Variants in ITGA11 observed in about 807,000 individuals in gnomAD.
The protein encoded by ITGA11 is integrin subunit alpha 11.
Under a neutral mutation model 141.9 loss-of-function variants are expected in ITGA11, and 97 were observed. That is an observed-to-expected ratio of 0.68 (90% CI 0.58 to 0.81). The LOEUF is 0.81. Among genes scored for constraint, ITGA11 ranks in the 30% least tolerant of loss-of-function variants. The pLI is 0.00. For missense variants in ITGA11, 1,387 were observed against 1,559.2 expected (o/e 0.89, Z 1.86); for synonymous variants, 658 against 624.6 (o/e 1.05, Z -0.80).
chr15:68,352,509 A>G (rs112619715), intron 7 of ITGA11, among the ~76,000 whole-genome samples: 45 of 152,156 alleles, frequency 3.0e-4, no homozygotes, highest in African/African-American at 1.1e-3. Flanking sequence ...AGTATTTTAT[A>G]AGGTTCTGGT....
At chr15:68,344,658 C>T (rs1164929177) in intron 10 of ITGA11, among the ~76,000 whole-genome samples, 5 of 151,834 alleles carry the variant, frequency 3.3e-5, no homozygotes, top group Non-Finnish European at 7.4e-5. Context: ...ATAATTGATG[C>T]GCATGGGTGA....
At chr15:68,396,936 AATATATT>A (rs372764037) in intron 2 of ITGA11, among the ~76,000 whole-genome samples, 6,376 of 25,472 alleles carry the variant, frequency 0.25, 1,378 homozygotes, top group East Asian at 0.75. Flanking sequence ...TATAATATAT[AATATATT>A]ATATATTATT....
intron 7 of ITGA11, among the ~76,000 whole-genome samples, chr15:68,351,674 C>T (rs1008561188): frequency 2.0e-5 from 3 of 151,924 alleles, no homozygotes; most frequent in Non-Finnish European, 2.9e-5. Flanking sequence ...TTGGACAGGC[C>T]AAAGGGATGA....
intron 10 of ITGA11, among the ~76,000 whole-genome samples, chr15:68,345,581 A>G (rs1036190361): frequency 1.3e-5 from 2 of 152,218 alleles, no homozygotes; most frequent in Non-Finnish European, 2.9e-5. Context: ...CCATCTGAGA[A>G]CATTCTACTA....
rs529788405 is a variant in ITGA11, at chr15:68,419,618, G to C, written c.52+12397C>G. Among the ~76,000 whole-genome samples the C allele has an allele frequency of 2.0e-5, 3 of 152,354 alleles. 1 individual carries two copies. In the South Asian group the frequency reaches 6.2e-4, roughly 32 times the overall value. ...TACATCTGGGTTTACAATCAGGATT[G>C]AGGTTCTGGCTCAGGAAATGTTCAT... On this transcript the variant is annotated intron_variant, in intron 1 of 29. Transcript: ENST00000315757.
intron 26 of ITGA11, among the ~76,000 whole-genome samples, chr15:68,309,656 G>A (rs907465760): frequency 2.1e-5 from 3 of 144,404 alleles, no homozygotes; most frequent in African/African-American, 7.8e-5. Context: ...GTACAGTGGC[G>A]CCAACTTGGC....
chr15:68,369,198 G>A lies in ITGA11; in HGVS notation c.251C>T (p.Thr84Ile), dbSNP rs1203159399. The change falls in exon 3 of 30, where the codon ACC becomes ATC. Residue 84 changes from threonine (T) to isoleucine (I), a missense_variant. Transcript: ENST00000315757. ...YKCPVIHGNC[T>I]KLNLGRVTLS... ...GCCCACGTTACCCAGGTTGAGTTTG[G>A]TGCAGTTCCCGTGGATCACTGGACA... 1.8e-5 allele frequency: 29 copies of A among 1,613,426 alleles called. No homozygotes were observed. Among genetic ancestry groups the A allele is most frequent in the Non-Finnish European group, 2.3e-5 (27 of 1,179,506 alleles).
rs1294767624 is a variant in ITGA11, at chr15:68,322,226, T to C, written c.2323-723A>G. Among the ~76,000 whole-genome samples the C allele has an allele frequency of 6.6e-6, 1 of 152,164 alleles. No homozygotes were observed. The highest frequency in any genetic ancestry group is 6.5e-5 in the Admixed American group (1 of 15,280). On this transcript the variant is annotated intron_variant, in intron 18 of 29. Coordinates refer to ENST00000315757, the MANE Select transcript of ITGA11 (RefSeq NM_001004439.2). The surrounding 1 kb of genome is among the most constrained non-coding windows in gnomAD (Gnocchi z 5.6). ...GTCAGGGGCCTGTGTTTACAGGGCC[T>C]TGGGGTCATTCCTTGCAACTGGTAG...
intron 20 of ITGA11, among the ~76,000 whole-genome samples, chr15:68,319,941 T>G (rs1459658727): frequency 1.3e-5 from 2 of 152,176 alleles, no homozygotes; most frequent in Non-Finnish European, 2.9e-5. Flanking sequence ...CTGTGATTTT[T>G]TTTTTTATTT....
chr15:68,412,261 T>A lies in ITGA11; in HGVS notation c.53-9232A>T, dbSNP rs969333566. Reference sequence around the variant, plus strand: ...CTGGGGATCTCTGGGGACTCGTGGTTGCTGGGGTAGTACCCCAATCATTTC... The same window carrying A: ...CTGGGGATCTCTGGGGACTCGTGGTAGCTGGGGTAGTACCCCAATCATTTC... On this transcript the variant is annotated intron_variant, in intron 1 of 29. Coordinates refer to ENST00000315757, the MANE Select transcript of ITGA11 (RefSeq NM_001004439.2). 3.9e-5 allele frequency among the ~76,000 whole-genome samples: 6 copies of A among 152,278 alleles called. No individual in the cohort carries two copies. The East Asian group carries it at 1.2e-3, about 30-fold the overall frequency.
At chr15:68,388,961 C>G (rs1056251872) in intron 2 of ITGA11, among the ~76,000 whole-genome samples, 4 of 152,152 alleles carry the variant, frequency 2.6e-5, no homozygotes, top group Admixed American at 6.5e-5. Flanking sequence ...GCTTTTTGTA[C>G]CTTCTCCTCC....
chr15:68,351,341 C>A lies in ITGA11; in HGVS notation c.811G>T (p.Asp271Tyr). Residue 271 changes from aspartate (D) to tyrosine (Y), a missense_variant, in exon 8 of 30, where the codon GAT (aspartate) becomes TAT (tyrosine). Coordinates refer to ENST00000315757, the MANE Select transcript of ITGA11 (RefSeq NM_001004439.2). ...GAKKVMIVIT[D>Y]GESHDSPDLE... ...TCTGGGCTGTCGTGGGACTCCCCAT[C>A]TGTGATGACAATCATCACCTTCTTG... 6.2e-7 allele frequency: 1 copy of A among 1,614,004 alleles called. No individual in the cohort carries two copies. The highest frequency in any genetic ancestry group is 8.5e-7 in the Non-Finnish European group (1 of 1,179,848).
intron 4 of ITGA11, 60 bp downstream of exon 4, chr15:68,364,647 A>ACCCCCCCCCCCC: frequency 1.1e-6 from 1 of 904,826 alleles, no homozygotes. Context: ...GAGACGCTCC[A>ACCCCCCCCCCCC]CCCCTCCCCA....
chr15:68,418,575 AC>A (rs1172942246), intron 1 of ITGA11, among the ~76,000 whole-genome samples: 4 of 17,610 alleles, frequency 2.3e-4, no homozygotes, highest in Non-Finnish European at 1.1e-4. Flanking sequence ...CCACCCCCCC[AC>A]CCCCTTCCTG....
rs1893805886 is a variant in ITGA11 at position 68,321,439 on chromosome 15, C to CCACGT, written c.2386_2387insACGTG (p.Arg796HisfsTer17). The CCACGT allele has an allele frequency of 6.3e-7, 1 of 1,591,106 alleles. No homozygotes were observed. Among genetic ancestry groups the CCACGT allele is most frequent in the African/African-American group, 1.4e-5 (1 of 72,734 alleles). On this transcript the variant is annotated frameshift_variant, in exon 19 of 30. Transcript: ENST00000315757. LOFTEE classifies it high-confidence loss of function. This position sits in a 1 kb window ranked among gnomAD's most constrained non-coding sequence, Gnocchi z 4.9. Reference sequence around the variant, plus strand: ...TCACATGGCCGTGGGCAGGTCACTCCGGGCATCCAACACAAGGTCAGGGAC... The same window carrying CCACGT: ...TCACATGGCCGTGGGCAGGTCACTCCCACGTGGGCATCCAACACAAGGTCAGGGAC...
At chr15:68,343,237 A>G (rs898582) in intron 10 of ITGA11, among the ~76,000 whole-genome samples, 87,421 of 151,926 alleles carry the variant, frequency 0.58, 25,365 homozygotes, top group Admixed American at 0.6. Context: ...TTGCGGTAGC[A>G]TGTGAGAAGT....
chr15:68,334,514 G>A (rs1894282207), intron 12 of ITGA11, among the ~76,000 whole-genome samples: 1 of 152,106 alleles, frequency 6.6e-6, no homozygotes, highest in Non-Finnish European at 1.5e-5. Context: ...CTATTCTCAA[G>A]GATGAAAAGC....
At position 68,415,230 on chromosome 15, in the gene ITGA11, C is replaced by T. The variant is rs908449432; in HGVS notation, c.53-12201G>A. 2.0e-5 allele frequency among the ~76,000 whole-genome samples: 3 copies of T among 152,376 alleles called. No homozygotes were observed. In the East Asian group the frequency reaches 5.8e-4, roughly 29 times the overall value. On this transcript the variant is annotated intron_variant, in intron 1 of 29. Coordinates refer to ENST00000315757, the MANE Select transcript of ITGA11 (RefSeq NM_001004439.2). ...ATCACCGCCAGCCACTGGCCTTCCT[C>T]ATCTCTGGATGTGTCTCTTGGCTTC...
intron 2 of ITGA11, 83 bp from the exon 3 acceptor site, chr15:68,369,367 A>C: frequency 9.8e-6 from 1 of 102,252 alleles, no homozygotes; most frequent in South Asian, 1.1e-4. Context: ...GGCAGTGTGG[A>C]GGTGAAGTTG....
Sources: gnomAD v4.1 joint callset for allele counts (sites outside exome capture counted in the v4.1 genomes callset) on GRCh38, gnomAD v4.1.1 for gene constraint, Gnocchi (gnomAD v3.1) non-coding constraint, MANE v1.5 for transcripts, NCBI Gene and HGNC (gene_info 2026-07-23, HGNC 2026-07-21) for gene names.